Variants in PRORP observed in about 807,000 individuals in gnomAD.
PRORP encodes mitochondrial ribonuclease P catalytic subunit.
PRORP carries 51 observed loss-of-function variants against 59.4 expected under a neutral mutation model. That is an observed-to-expected ratio of 0.86 (90% CI 0.69 to 1.08). PRORP has a LOEUF of 1.08. PRORP is among the 50% of genes least tolerant of loss of function. The pLI, the probability that PRORP is intolerant of heterozygous loss-of-function variation, is 0.00. For missense variants in PRORP, 646 were observed against 690.3 expected, an observed-to-expected ratio of 0.94 and a Z score of 0.72; for synonymous variants, 231 against 245.6, an observed-to-expected ratio of 0.94 and a Z score of 0.55.
intron 5 of PRORP, among the ~76,000 whole-genome samples, chr14:35,199,849 A>ATG (rs2049102544): frequency 6.6e-6 from 1 of 152,240 alleles, no homozygotes; most frequent in Non-Finnish European, 1.5e-5. Flanking sequence ...TTGCTTATGC[A>ATG]TGTAAAGTTA....
chr14:35,128,298 T>G (rs2047148375), intron 4 of PRORP, among the ~76,000 whole-genome samples: 1 of 149,098 alleles, frequency 6.7e-6, no homozygotes. Context: ...TGTTGTTTTT[T>G]GGGTTTTTTT....
intron 4 of PRORP, among the ~76,000 whole-genome samples, chr14:35,151,344 G>C (rs1234536285): frequency 6.6e-6 from 1 of 151,824 alleles, no homozygotes; most frequent in Non-Finnish European, 1.5e-5. Context: ...AAGACAGACA[G>C]CTTACTTCTG....
chr14:35,226,973 C>T (rs1595345506), intron 5 of PRORP, among the ~76,000 whole-genome samples: 2 of 151,406 alleles, frequency 1.3e-5, no homozygotes, highest in Non-Finnish European at 2.9e-5. Context: ...TAAGCTCAAG[C>T]GATCCACCCG....
chr14:35,263,949 C>CTT (rs879706511), intron 5 of PRORP, among the ~76,000 whole-genome samples: 2 of 143,714 alleles, frequency 1.4e-5, no homozygotes. Context: ...TGTGTCCATT[C>CTT]TTTTTTTTTT....
At chr14:35,181,494 C>G (rs776656420) in intron 5 of PRORP, among the ~76,000 whole-genome samples, 2 of 152,072 alleles carry the variant, frequency 1.3e-5, no homozygotes, top group Non-Finnish European at 2.9e-5. Context: ...TTAAAAATTG[C>G]TGCCGCTGGC....
At position 35,124,017 on chromosome 14, in the gene PRORP, C is replaced by G. The variant is rs1268086957; in HGVS notation, c.772C>G (p.Gln258Glu). The change falls in exon 2 of 8, where the codon CAA becomes GAA. Residue 258 changes from glutamine to glutamate, a missense_variant. Physicochemically the swap from Gln to Glu is conservative, Grantham distance 29. Coordinates refer to ENST00000534898, the MANE Select transcript of PRORP (RefSeq NM_014672.4). Reference protein sequence around the residue: ...NDCIQGALLHQDVNTAWNLYQ... With the variant: ...NDCIQGALLHEDVNTAWNLYQ... ...CTGTATCCAGGGAGCTCTCCTTCATCAAGATGTAAACACAGCTTGGAATTT... is the reference window on the plus strand; with the variant it reads ...CTGTATCCAGGGAGCTCTCCTTCATGAAGATGTAAACACAGCTTGGAATTT... The G allele has an allele frequency of 3.7e-6, 6 of 1,613,800 alleles. No individual in the cohort carries two copies.
Position 35,150,547 on chromosome 14 carries a change from C to T in PRORP, c.1167+22936C>T, listed in dbSNP as rs537256372. Among the ~76,000 whole-genome samples, 22 of 152,304 alleles carry T rather than the reference C, an allele frequency of 1.4e-4. No individual in the cohort carries two copies. In the South Asian group the frequency reaches 1.5e-3, roughly 10 times the overall value. On this transcript the variant is annotated intron_variant, in intron 4 of 7. Coordinates refer to ENST00000534898, the MANE Select transcript of PRORP (RefSeq NM_014672.4). ...AAGTTAAAAGGACAAGCAGGTCACT[C>T]CTAGCAGTGGCCTTCCCAATGTCAA...
chr14:35,221,476 AGTTTT>A (rs886757444), intron 5 of PRORP, among the ~76,000 whole-genome samples: 15 of 151,556 alleles, frequency 9.9e-5, no homozygotes, highest in African/African-American at 3.4e-4. Flanking sequence ...TTTTGGCATT[AGTTTT>A]GATTTTTTGA....
At chr14:35,266,354 C>T (rs887251097) in intron 5 of PRORP, among the ~76,000 whole-genome samples, 3 of 151,256 alleles carry the variant, frequency 2.0e-5, no homozygotes, top group Non-Finnish European at 2.9e-5. Context: ...ACGTGGTGCA[C>T]GTCTGTGGTC....
intron 5 of PRORP, among the ~76,000 whole-genome samples, chr14:35,186,595 T>C (rs2048748641): frequency 6.6e-6 from 1 of 151,668 alleles, no homozygotes. Flanking sequence ...TTCTTTCATT[T>C]TCTTTTTTTT....
At chr14:35,268,080 G>T (rs1278154614) in intron 6 of PRORP, among the ~76,000 whole-genome samples, 2 of 152,042 alleles carry the variant, frequency 1.3e-5, no homozygotes, top group Admixed American at 1.3e-4. Context: ...AGCCACAGTG[G>T]CTCATGTCTA....
intron 4 of PRORP, among the ~76,000 whole-genome samples, chr14:35,161,056 T>A (rs951501355): frequency 5.0e-5 from 7 of 139,484 alleles, no homozygotes; most frequent in African/African-American, 1.8e-4. Context: ...GGGATTCATC[T>A]ACTCTACTGC....
chr14:35,137,989 A>G (rs1329736490), intron 4 of PRORP, among the ~76,000 whole-genome samples: 1 of 145,784 alleles, frequency 6.9e-6, no homozygotes, highest in African/African-American at 2.4e-5. Flanking sequence ...TGCTATTGCA[A>G]ATACCACAAA....
intron 5 of PRORP, among the ~76,000 whole-genome samples, chr14:35,258,563 T>C (rs550402752): frequency 1.5e-4 from 23 of 151,616 alleles, no homozygotes; most frequent in African/African-American, 5.6e-4. Flanking sequence ...ATCTTCCCAT[T>C]CCAGAAGTCT....
intron 4 of PRORP, among the ~76,000 whole-genome samples, chr14:35,167,406 TAA>T (rs1397995057): frequency 6.6e-6 from 1 of 152,232 alleles, no homozygotes; most frequent in Non-Finnish European, 1.5e-5. Flanking sequence ...AGAAATGCGA[TAA>T]GATAGTTTGT....
At chr14:35,271,527 A>G (rs763097884) in intron 7 of PRORP, among the ~76,000 whole-genome samples, 3 of 151,994 alleles carry the variant, frequency 2.0e-5, no homozygotes, top group Non-Finnish European at 4.4e-5. Context: ...TTTATTTCTT[A>G]TAGTTTGTTA....
At position 35,273,730 on chromosome 14, in the gene PRORP, C is replaced by A; in HGVS notation, c.*164C>A. ...TTTAATGAAATGAGATATATCTTTT[C>A]ATAACCAGCTGCGTTTTTTTCCCCT... On this transcript the variant is annotated 3_prime_UTR_variant, in exon 8 of 8. Coordinates refer to ENST00000534898, the MANE Select transcript of PRORP (RefSeq NM_014672.4). 1.8e-6 allele frequency: 1 copy of A among 563,798 alleles called. No homozygotes were observed. Among genetic ancestry groups the A allele is most frequent in the Non-Finnish European group, 2.7e-6 (1 of 366,796 alleles). 34.9% of individuals were successfully genotyped at this position (563,798 alleles called of 1,614,324 possible). A position where few individuals can be genotyped will look rare whatever the true frequency, so the allele number is the denominator to read the frequency against.
intron 4 of PRORP, among the ~76,000 whole-genome samples, chr14:35,155,142 T>A (rs911505863): frequency 6.6e-6 from 1 of 152,068 alleles, no homozygotes; most frequent in Admixed American, 6.6e-5. Flanking sequence ...GATTTCCCAT[T>A]TTGGCCTCCC....
At chr14:35,190,125 G>GCA (rs1351297959) in intron 5 of PRORP, among the ~76,000 whole-genome samples, 1 of 146,832 alleles carries the variant, frequency 6.8e-6, no homozygotes, top group Non-Finnish European at 1.5e-5. Flanking sequence ...AAGGCTGGGC[G>GCA]CAGTATCTCA....
Sources: allele counts gnomAD v4.1 joint callset (sites outside exome capture counted in the v4.1 genomes callset), GRCh38; gene constraint gnomAD v4.1.1; transcripts MANE v1.5; gene names NCBI Gene and HGNC (gene_info 2026-07-23, HGNC 2026-07-21).